WASF3: variants seen among roughly 807,000 people sequenced by gnomAD.
WASF3 encodes WASP family member 3.
WASF3 carries 11 observed loss-of-function variants against 46.6 expected under a neutral mutation model. The observed-to-expected ratio is 0.24, with a 90% CI of 0.15 to 0.39. The LOEUF (loss-of-function observed/expected upper bound fraction) is 0.39. Ranked by LOEUF, WASF3 falls within the 10% of genes least tolerant of loss-of-function variation. WASF3 has a pLI of 1.00. For missense variants in WASF3, 576 were observed against 669.8 expected (o/e 0.86, Z 1.55); for synonymous variants, 242 against 259.7 (o/e 0.93, Z 0.65).
chr13:26,681,404 G>A, intron 8 of WASF3, 84 bp downstream of exon 8: 2 of 1,445,270 alleles, frequency 1.4e-6, no homozygotes, highest in Non-Finnish European at 1.8e-6. Context: ...TTTAACTCCG[G>A]TATTTTAGAG....
Position 26,636,074 on chromosome 13 carries a change from G to A in WASF3, c.-10-6187G>A, listed in dbSNP as rs139793266. ...TTAGACAGGGACTTTTAAGTCTGCA[G>A]AAGTTTCTGCTGCCTTTTGTTCAGC... On this transcript the variant is annotated intron_variant, in intron 2 of 9. Transcript: ENST00000335327. Among the ~76,000 whole-genome samples the A allele has an allele frequency of 4.2e-3, 641 of 152,372 alleles. 4 individuals carry two copies. Among genetic ancestry groups the A allele is most frequent in the African/African-American group, 0.015 (608 of 41,598 alleles).
At chr13:26,598,550 A>G (rs1880546001) in intron 1 of WASF3, among the ~76,000 whole-genome samples, 1 of 152,236 alleles carries the variant, frequency 6.6e-6, no homozygotes, top group South Asian at 2.1e-4. Context: ...TCCTTTTGTC[A>G]CACTGTTAAT....
intron 1 of WASF3, among the ~76,000 whole-genome samples, chr13:26,610,591 C>G (rs535600471): frequency 2.6e-5 from 4 of 152,140 alleles, no homozygotes; most frequent in African/African-American, 4.8e-5. Flanking sequence ...TACCTGGAAA[C>G]TAGACGACAG....
chr13:26,662,806 A>C (rs1445149719), intron 3 of WASF3, among the ~76,000 whole-genome samples: 1 of 152,214 alleles, frequency 6.6e-6, no homozygotes, highest in Non-Finnish European at 1.5e-5. Context: ...TAAAAGTTGA[A>C]ATTATTTTTT....
chr13:26,632,430 CAT>C (rs754957990), intron 2 of WASF3, among the ~76,000 whole-genome samples: 9 of 152,146 alleles, frequency 5.9e-5, no homozygotes, highest in Non-Finnish European at 1.3e-4. Flanking sequence ...TTGAGGTAAT[CAT>C]GTGGTTTTTG....
the WASF3 span, among the ~76,000 whole-genome samples, chr13:26,539,242 G>A: frequency 6.6e-6 from 1 of 152,132 alleles, no homozygotes; most frequent in Non-Finnish European, 1.5e-5. Flanking sequence ...GCCAAGGTTA[G>A]TTACTGAGCA....
At chr13:26,633,365 G>A (rs1331970268) in intron 2 of WASF3, among the ~76,000 whole-genome samples, 2 of 151,856 alleles carry the variant, frequency 1.3e-5, no homozygotes, top group Admixed American at 6.6e-5. Context: ...ACCACGTCCG[G>A]CTAATTTTTT....
chr13:26,672,128 T>A, intron 6 of WASF3, 139 bp downstream of exon 6: 1 of 652,942 alleles, frequency 1.5e-6, no homozygotes, highest in South Asian at 1.9e-5. Flanking sequence ...TCACAAAAGA[T>A]CCTGACAATT....
chr13:26,678,956 C>T (rs192747144), intron 7 of WASF3, among the ~76,000 whole-genome samples: 128 of 152,168 alleles, frequency 8.4e-4, no homozygotes, highest in African/African-American at 2.9e-3. Flanking sequence ...TCCCGGCCCT[C>T]CTCCTCCCAT....
At chr13:26,636,341 G>T (rs1385754694) in intron 2 of WASF3, among the ~76,000 whole-genome samples, 1 of 152,228 alleles carries the variant, frequency 6.6e-6, no homozygotes, top group African/African-American at 2.4e-5. Flanking sequence ...GAATCTCCTG[G>T]TCTGCTGGTT....
At chr13:26,677,612 A>G (rs928125876) in intron 7 of WASF3, among the ~76,000 whole-genome samples, 1 of 152,198 alleles carries the variant, frequency 6.6e-6, no homozygotes, top group African/African-American at 2.4e-5. Flanking sequence ...TTCCCACCCC[A>G]GAAGGTCTAT....
chr13:26,542,070 C>T, the WASF3 span, among the ~76,000 whole-genome samples: 1 of 151,338 alleles, frequency 6.6e-6, no homozygotes, highest in African/African-American at 2.4e-5. Context: ...ACCCATTTGC[C>T]TTACAAAAAT....
At chr13:26,627,434 C>G (rs1237099838) in intron 2 of WASF3, among the ~76,000 whole-genome samples, 5 of 151,970 alleles carry the variant, frequency 3.3e-5, no homozygotes, top group African/African-American at 1.2e-4. Flanking sequence ...ATTGTCTACC[C>G]CATTTCCTGT....
chr13:26,545,455 T>C, the WASF3 span, among the ~76,000 whole-genome samples: 1 of 152,226 alleles, frequency 6.6e-6, no homozygotes, highest in African/African-American at 2.4e-5. Flanking sequence ...ATATTTTTAA[T>C]TTTGATTGCA....
chr13:26,559,482 A>T (rs1347381036), intron 1 of WASF3, among the ~76,000 whole-genome samples: 3 of 152,232 alleles, frequency 2.0e-5, no homozygotes, highest in African/African-American at 4.8e-5. Context: ...ACAAAGGTGG[A>T]ACACACTTTG....
At chr13:26,616,164 G>A (rs1460234411) in intron 2 of WASF3, among the ~76,000 whole-genome samples, 7 of 152,204 alleles carry the variant, frequency 4.6e-5, no homozygotes, top group Non-Finnish European at 1.0e-4. Context: ...TGTGATAAGT[G>A]TATGTTTAAC....
chr13:26,632,295 A>G (rs1881674414), intron 2 of WASF3, among the ~76,000 whole-genome samples: 1 of 152,092 alleles, frequency 6.6e-6, no homozygotes. Context: ...TCAGTATGAT[A>G]TTGGCTGTGG....
chr13:26,605,805 A>C (rs1166458041), intron 1 of WASF3, among the ~76,000 whole-genome samples: 1 of 152,120 alleles, frequency 6.6e-6, no homozygotes, highest in Non-Finnish European at 1.5e-5. Context: ...TCAACCTCTA[A>C]ATTTTTTTAT....
intron 3 of WASF3, among the ~76,000 whole-genome samples, chr13:26,658,806 A>G (rs189100750): frequency 1.3e-5 from 2 of 152,330 alleles, no homozygotes; most frequent in Non-Finnish European, 2.9e-5. Context: ...AGCTTAGGGC[A>G]TTGTGGAGCA....
Sources: allele counts gnomAD v4.1 joint callset (sites outside exome capture counted in the v4.1 genomes callset), GRCh38; gene constraint gnomAD v4.1.1; transcripts MANE v1.5; gene names NCBI Gene and HGNC (gene_info 2026-07-23, HGNC 2026-07-21).